The following DLGAP2 variants were observed in gnomAD, a reference collection of about 807,000 sequenced individuals.
The protein encoded by DLGAP2 is disks large-associated protein 2.
DLGAP2 carries 26 observed loss-of-function variants against 100.3 expected under a neutral mutation model. That is an observed-to-expected ratio of 0.26 (90% CI 0.19 to 0.36). DLGAP2 has a LOEUF of 0.36. Among genes scored for constraint, DLGAP2 ranks in the 10% least tolerant of loss-of-function variants. The probability of loss-of-function intolerance (pLI) is 1.00; values close to 1 mark genes in which losing one functional copy is unlikely to be tolerated. For synonymous variants in DLGAP2, 886 were observed against 630.1 expected, an observed-to-expected ratio of 1.41 and a Z score of -6.08; for missense variants, 1,858 against 1,453.2, an observed-to-expected ratio of 1.28 and a Z score of -4.53.
At chr8:1,449,921 G>T (rs7003182) in intron 3 of DLGAP2, among the ~76,000 whole-genome samples, 115 of 135,998 alleles carry the variant, frequency 8.5e-4, no homozygotes, top group African/African-American at 2.2e-3. Context: ...GAGGTGGGCG[G>T]CCTCGGTGGC....
chr8:1,270,524 C>T (rs1239675361), intron 3 of DLGAP2, among the ~76,000 whole-genome samples: 2 of 152,194 alleles, frequency 1.3e-5, no homozygotes, highest in Non-Finnish European at 2.9e-5. Context: ...CTAAGCCCAG[C>T]GGACAGAGTC....
chr8:1,411,212 G>A (rs1290255149), intron 3 of DLGAP2, among the ~76,000 whole-genome samples: 5 of 152,110 alleles, frequency 3.3e-5, no homozygotes, highest in African/African-American at 1.2e-4. Flanking sequence ...CAATAATTTG[G>A]TCTGAAAATG....
At chr8:1,455,749 C>A (rs1798294626) in intron 3 of DLGAP2, among the ~76,000 whole-genome samples, 1 of 152,202 alleles carries the variant, frequency 6.6e-6, no homozygotes, top group African/African-American at 2.4e-5. Context: ...AGAGGCACTT[C>A]CTGACCCTCA....
chr8:1,065,377 T>C (rs78966452), intron 2 of DLGAP2, among the ~76,000 whole-genome samples: 2,357 of 152,310 alleles, frequency 0.015, 58 homozygotes, highest in African/African-American at 0.054. Flanking sequence ...AGAACAGTTA[T>C]TGTGAAATGA....
At chr8:1,641,532 A>T (rs1482114251) in intron 8 of DLGAP2, among the ~76,000 whole-genome samples, 2 of 152,164 alleles carry the variant, frequency 1.3e-5, no homozygotes, top group Non-Finnish European at 2.9e-5. Flanking sequence ...AACTAGAGCC[A>T]CGGGTTCCTG....
At chr8:953,976 T>C (rs982941674) in intron 2 of DLGAP2, among the ~76,000 whole-genome samples, 3 of 152,232 alleles carry the variant, frequency 2.0e-5, no homozygotes, top group African/African-American at 7.2e-5. Context: ...TGAGGACTTG[T>C]GCCACTGGTG....
At chr8:1,454,686 T>C (rs1220937024) in intron 3 of DLGAP2, among the ~76,000 whole-genome samples, 1 of 152,174 alleles carries the variant, frequency 6.6e-6, no homozygotes, top group African/African-American at 2.4e-5. Context: ...TCACTTTTTC[T>C]CTAAGGGAGT....
At chr8:1,475,397 G>C (rs1297603198) in intron 3 of DLGAP2, among the ~76,000 whole-genome samples, 1 of 152,158 alleles carries the variant, frequency 6.6e-6, no homozygotes. Context: ...GGAGCAGCCT[G>C]ATACCTTTTC....
At position 820,421 on chromosome 8, in the gene DLGAP2, A is replaced by T. The variant is rs182650176; in HGVS notation, c.18+82596A>T. 5.6e-3 allele frequency among the ~76,000 whole-genome samples: 857 copies of T among 152,338 alleles called. 8 individuals are homozygous for T. The highest frequency in any genetic ancestry group is 0.019 in the African/African-American group (804 of 41,576). On this transcript the variant is annotated intron_variant, in intron 1 of 14. Transcript: ENST00000637795. ...GGGCTAATAGGCAAATGACAAACTGAAAAAACATTTGCAATGTGTAGAATA... is the reference window on the plus strand; with the variant it reads ...GGGCTAATAGGCAAATGACAAACTGTAAAAACATTTGCAATGTGTAGAATA...
intron 2 of DLGAP2, among the ~76,000 whole-genome samples, chr8:1,233,254 A>C (rs965873758): frequency 6.6e-6 from 1 of 152,202 alleles, no homozygotes; most frequent in African/African-American, 2.4e-5. Flanking sequence ...GCTGCTGTGA[A>C]CATTTGTGTG....
At chr8:955,339 G>A (rs1438490641) in intron 2 of DLGAP2, among the ~76,000 whole-genome samples, 2 of 152,020 alleles carry the variant, frequency 1.3e-5, no homozygotes, top group African/African-American at 2.4e-5. Flanking sequence ...AGTGCCCAGC[G>A]AGGCCTCTCA....
At position 1,197,699 on chromosome 8, in the gene DLGAP2, T is replaced by C. The variant is rs7006866; in HGVS notation, c.74-61152T>C. 6.4e-3 allele frequency among the ~76,000 whole-genome samples: 122 copies of C among 19,140 alleles called. 15 individuals are homozygous for C. The highest frequency in any genetic ancestry group is 0.035 in the African/African-American group (58 of 1,664). The allele number at this position is 19,140 out of a possible 152,430, so 12.6% of individuals were successfully genotyped here. A position where few individuals can be genotyped will look rare whatever the true frequency, so the allele number is the denominator to read the frequency against. On this transcript the variant is annotated intron_variant, in intron 2 of 14. Transcript: ENST00000637795. ...GCTGTCCATATAAACCTGAGCCACG[T>C]CAATGTGGAGCATCTGGGCCACCAG...
chr8:1,700,318 C>T (rs1585077874), intron 14 of DLGAP2, among the ~76,000 whole-genome samples: 1 of 152,292 alleles, frequency 6.6e-6, no homozygotes, highest in East Asian at 1.9e-4. Flanking sequence ...GCCGTGTGCC[C>T]TTTCCTGGGA....
chr8:933,114 C>T (rs1017733969), intron 2 of DLGAP2, among the ~76,000 whole-genome samples: 2 of 152,268 alleles, frequency 1.3e-5, no homozygotes, highest in African/African-American at 2.4e-5. Flanking sequence ...GAACCCTGCA[C>T]AGTGGCAGCT....
At chr8:1,177,946 A>G (rs1797297741) in intron 2 of DLGAP2, among the ~76,000 whole-genome samples, 2 of 152,236 alleles carry the variant, frequency 1.3e-5, no homozygotes, top group African/African-American at 4.8e-5. Flanking sequence ...GCACCAGCTG[A>G]GGCCTCAGTG....
At chr8:1,391,529 G>GATTGGTGTT (rs1796355794) in intron 3 of DLGAP2, among the ~76,000 whole-genome samples, 1 of 152,154 alleles carries the variant, frequency 6.6e-6, no homozygotes, top group Non-Finnish European at 1.5e-5. Flanking sequence ...ATGAGAGTAA[G>GATTGGTGTT]ATTGGTGTTT....
rs12546972 is a variant in DLGAP2, at chr8:824,636, C to G, written c.19-83276C>G. 7.2e-3 allele frequency among the ~76,000 whole-genome samples: 1,099 copies of G among 151,816 alleles called. 8 individuals are homozygous for G. The highest frequency in any genetic ancestry group is 0.025 in the African/African-American group (1,016 of 41,356). ...CCCTCTGGTGAAGATGACTGCTGAC[C>G]TCCTGGTGGTTCCGCCTGTTTGGGT... is the stretch of plus-strand genomic sequence containing the variant. On this transcript the variant is annotated intron_variant, in intron 1 of 14. Transcript: ENST00000637795.
intron 1 of DLGAP2, among the ~76,000 whole-genome samples, chr8:788,399 C>T (rs1029705979): frequency 1.3e-5 from 2 of 152,130 alleles, no homozygotes; most frequent in Admixed American, 6.5e-5. Flanking sequence ...CCTTGGCATC[C>T]GTGTCCACGT....
chr8:842,377 T>C (rs574717731), intron 1 of DLGAP2, among the ~76,000 whole-genome samples: 1 of 152,354 alleles, frequency 6.6e-6, no homozygotes, highest in East Asian at 1.9e-4. Flanking sequence ...CTTAAAGATG[T>C]TATTCTGTAT....
Sources: allele counts gnomAD v4.1 joint callset (sites outside exome capture counted in the v4.1 genomes callset), GRCh38; gene constraint gnomAD v4.1.1; transcripts MANE v1.5; gene names NCBI Gene and HGNC (gene_info 2026-07-23, HGNC 2026-07-21).